Variants in KIAA1328 observed in about 807,000 individuals in gnomAD.
KIAA1328 encodes KIAA1328, also known as protein hinderin.
Under a neutral mutation model 68.1 loss-of-function variants are expected in KIAA1328, and 52 were observed. The ratio of observed to expected loss-of-function variants is 0.76; its 90% CI spans 0.61 to 0.96. The LOEUF is 0.96. Among genes scored for constraint, KIAA1328 ranks in the 40% least tolerant of loss-of-function variants. The pLI is 0.00. For synonymous variants in KIAA1328, 232 were observed against 239.4 expected (o/e 0.97, Z 0.28); for missense variants, 641 against 677.6 (o/e 0.95, Z 0.60).
intron 7 of KIAA1328, among the ~76,000 whole-genome samples, chr18:37,111,604 G>A (rs1034634694): frequency 6.6e-6 from 1 of 152,256 alleles, no homozygotes; most frequent in African/African-American, 2.4e-5. Context: ...AGCTCCCAGT[G>A]TGAGCAACAC....
At chr18:36,933,420 C>T (rs925510054) in intron 5 of KIAA1328, among the ~76,000 whole-genome samples, 2 of 152,142 alleles carry the variant, frequency 1.3e-5, no homozygotes, top group South Asian at 2.1e-4. Context: ...TTCCAGGCCA[C>T]GGGGCCCTCT....
chr18:37,172,786 A>G (rs938309361), intron 8 of KIAA1328, among the ~76,000 whole-genome samples, 187 bp from the exon 9 acceptor site: 1 of 152,186 alleles, frequency 6.6e-6, no homozygotes, highest in African/African-American at 2.4e-5. Flanking sequence ...CTTAAAGCGC[A>G]TTATAGATTT....
intron 7 of KIAA1328, among the ~76,000 whole-genome samples, chr18:37,076,764 C>A (rs1311255961): frequency 1.3e-5 from 2 of 152,026 alleles, no homozygotes; most frequent in African/African-American, 4.8e-5. Flanking sequence ...GACACATACA[C>A]CCTCCCAAGA....
At chr18:37,231,484 CAGAGGGAGTGCCA>C (rs2060663688), downstream of KIAA1328, 1 of 152,294 alleles carries the variant, frequency 6.6e-6, no homozygotes, top group Non-Finnish European at 1.5e-5. Flanking sequence ...CCAGTGGAGC[CAGAGGGAGTGCCA>C]AGAGGGAGGT....
At chr18:36,960,732 A>G (rs990422024) in intron 6 of KIAA1328, among the ~76,000 whole-genome samples, 1 of 152,260 alleles carries the variant, frequency 6.6e-6, no homozygotes, top group Non-Finnish European at 1.5e-5. Flanking sequence ...CCTGACTGTT[A>G]GAAGGAAAAC....
chr18:36,937,762 C>T (rs1393706789), intron 5 of KIAA1328, among the ~76,000 whole-genome samples: 1 of 151,816 alleles, frequency 6.6e-6, no homozygotes, highest in Non-Finnish European at 1.5e-5. Flanking sequence ...CCTTCATTCC[C>T]ACCTCCCCAC....
intron 6 of KIAA1328, among the ~76,000 whole-genome samples, chr18:37,015,512 T>C (rs994750652): frequency 3.3e-5 from 5 of 152,050 alleles, no homozygotes; most frequent in Admixed American, 3.3e-4. Flanking sequence ...GATTTTAGAG[T>C]AGTTTTTTTT....
At chr18:37,063,704 A>C in intron 6 of KIAA1328, 1 of 984,140 alleles carries the variant, frequency 1.0e-6, no homozygotes, top group Non-Finnish European at 1.2e-6. Flanking sequence ...CCTCTCAAAA[A>C]CAGGAAACAT....
chr18:37,032,829 C>G (rs1202384695), intron 6 of KIAA1328, among the ~76,000 whole-genome samples: 2 of 152,024 alleles, frequency 1.3e-5, no homozygotes, highest in Non-Finnish European at 2.9e-5. Context: ...TTATTAGAGA[C>G]AGGGTTTCTC....
At chr18:37,150,809 C>T (rs1176787202) in intron 7 of KIAA1328, among the ~76,000 whole-genome samples, 1 of 151,966 alleles carries the variant, frequency 6.6e-6, no homozygotes, top group East Asian at 1.9e-4. Context: ...AGTGCTTATT[C>T]ATTATAGGAA....
chr18:37,085,336 A>G (rs1037013948), intron 7 of KIAA1328, among the ~76,000 whole-genome samples: 1 of 152,088 alleles, frequency 6.6e-6, no homozygotes, highest in Non-Finnish European at 1.5e-5. Flanking sequence ...ATCTCTCTCT[A>G]CTGTGTTGCC....
chr18:36,926,781 T>C (rs2151131127), intron 5 of KIAA1328, among the ~76,000 whole-genome samples: 1 of 152,334 alleles, frequency 6.6e-6, no homozygotes, highest in East Asian at 1.9e-4. Context: ...ATTCTTGCAT[T>C]GCTATAAAGG....
At chr18:37,151,299 T>G (rs541712190) in intron 7 of KIAA1328, among the ~76,000 whole-genome samples, 1 of 152,166 alleles carries the variant, frequency 6.6e-6, no homozygotes, top group Non-Finnish European at 1.5e-5. Flanking sequence ...AAGAAAGATA[T>G]GCTCTTGAAT....
chr18:37,107,614 C>T (rs185476567), intron 7 of KIAA1328, among the ~76,000 whole-genome samples: 2 of 152,266 alleles, frequency 1.3e-5, no homozygotes, highest in Admixed American at 6.5e-5. Context: ...TCATTTTTCA[C>T]TGTGGCTATT....
chr18:36,954,974 G>A (rs183910705), intron 5 of KIAA1328, among the ~76,000 whole-genome samples: 2 of 152,174 alleles, frequency 1.3e-5, no homozygotes, highest in Non-Finnish European at 2.9e-5. Context: ...TGGGATTACA[G>A]GTGTGACTTG....
chr18:36,935,232 G>A (rs2050455897), intron 5 of KIAA1328, among the ~76,000 whole-genome samples: 1 of 152,238 alleles, frequency 6.6e-6, no homozygotes, highest in East Asian at 1.9e-4. Flanking sequence ...GTTACAGAAG[G>A]TGATGGCCTA....
chr18:37,169,288 C>T (rs1379700994), intron 8 of KIAA1328, among the ~76,000 whole-genome samples: 1 of 151,810 alleles, frequency 6.6e-6, no homozygotes, highest in African/African-American at 2.4e-5. Context: ...GCCTCAGACT[C>T]CTGAGTAACT....
intron 4 of KIAA1328, among the ~76,000 whole-genome samples, chr18:36,858,053 T>C (rs2047438955): frequency 6.6e-6 from 1 of 152,176 alleles, no homozygotes; most frequent in African/African-American, 2.4e-5. Flanking sequence ...TTTATACTGA[T>C]TTTCTTTCTC....
At chr18:36,955,140 AT>A (rs71168250) in intron 5 of KIAA1328, among the ~76,000 whole-genome samples, 10 of 145,236 alleles carry the variant, frequency 6.9e-5, no homozygotes, top group Admixed American at 1.4e-4. Flanking sequence ...GCTATCTCCT[AT>A]TTTTTTTTTT....
Sources: allele counts gnomAD v4.1 joint callset (sites outside exome capture counted in the v4.1 genomes callset), GRCh38; gene constraint gnomAD v4.1.1; transcripts MANE v1.5; gene names NCBI Gene and HGNC (gene_info 2026-07-23, HGNC 2026-07-21).